Variants in DCC observed in about 807,000 individuals in gnomAD.
The protein encoded by DCC is netrin receptor DCC.
DCC carries 58 observed loss-of-function variants against 172.5 expected under a neutral mutation model. That is an observed-to-expected ratio of 0.34 (90% CI 0.27 to 0.42). DCC has a LOEUF of 0.42. Ranked by LOEUF, DCC falls within the 10% of genes least tolerant of loss-of-function variation. The pLI is 1.00. For synonymous variants in DCC, 709 were observed against 644.5 expected, an observed-to-expected ratio of 1.10 and a Z score of -1.52; for missense variants, 1,740 against 1,791.0, an observed-to-expected ratio of 0.97 and a Z score of 0.51.
intron 1 of DCC, among the ~76,000 whole-genome samples, chr18:52,499,045 C>T (rs547197003): frequency 3.3e-5 from 5 of 152,302 alleles, no homozygotes; most frequent in African/African-American, 1.2e-4. Context: ...TTTTCCTGTC[C>T]ATGATGTCCC....
chr18:53,521,001 C>T (rs1287190416), intron 27 of DCC, among the ~76,000 whole-genome samples: 1 of 152,042 alleles, frequency 6.6e-6, no homozygotes, highest in Non-Finnish European at 1.5e-5. Flanking sequence ...GAAATTAATT[C>T]TACCTTCCTC....
chr18:53,202,361 A>G, intron 9 of DCC, among the ~76,000 whole-genome samples: 1 of 152,210 alleles, frequency 6.6e-6, no homozygotes. Flanking sequence ...AATTAAGGAC[A>G]ATAATGAATT....
rs2046072426 is a variant in DCC at position 53,499,651 on chromosome 18, C to T, written c.4111+141C>T. On this transcript the variant is annotated intron_variant, in intron 27 of 28. Transcript: ENST00000442544. ...ATGCCCAGTGTGCTCATTTTTGTTA[C>T]TGATGCTTGTAGTGTAACCCTTAAT... 5 of 777,922 alleles carry T rather than the reference C, an allele frequency of 6.4e-6. No homozygotes were observed. The Admixed American group carries it at 7.9e-5, about 12-fold the overall frequency. 48.2% of individuals were successfully genotyped at this position (777,922 alleles called of 1,614,324 possible).
At chr18:52,716,142 AAG>A (rs1219619706) in intron 1 of DCC, among the ~76,000 whole-genome samples, 5 of 152,194 alleles carry the variant, frequency 3.3e-5, no homozygotes, top group African/African-American at 1.2e-4. Context: ...GGGCCCTTGC[AAG>A]GCCCTGGCCT....
chr18:52,519,061 T>C (rs1244048690), intron 1 of DCC, among the ~76,000 whole-genome samples: 1 of 152,218 alleles, frequency 6.6e-6, no homozygotes, highest in African/African-American at 2.4e-5. Flanking sequence ...GATTAAAATA[T>C]GTAGAAAGGT....
chr18:52,845,148 G>GT (rs1455793994), intron 2 of DCC, among the ~76,000 whole-genome samples: 3 of 152,238 alleles, frequency 2.0e-5, no homozygotes, highest in African/African-American at 7.2e-5. Context: ...AAAACATAAG[G>GT]TTTAAAAGCA....
At chr18:52,716,241 T>C (rs1438796101) in intron 1 of DCC, among the ~76,000 whole-genome samples, 1 of 152,224 alleles carries the variant, frequency 6.6e-6, no homozygotes, top group Non-Finnish European at 1.5e-5. Flanking sequence ...TCTTTGCGTG[T>C]GGAACAAGTA....
intron 1 of DCC, among the ~76,000 whole-genome samples, chr18:52,388,773 T>C (rs973610295): frequency 1.3e-5 from 2 of 152,126 alleles, no homozygotes; most frequent in African/African-American, 4.8e-5. Flanking sequence ...GGGATGAGTA[T>C]ATTTTGGAAA....
chr18:52,620,267 G>T (rs776426109), intron 1 of DCC, among the ~76,000 whole-genome samples: 24 of 152,200 alleles, frequency 1.6e-4, no homozygotes, highest in Non-Finnish European at 2.8e-4. Flanking sequence ...TATGAACAAA[G>T]CTTGTAGCTC....
chr18:52,724,327 T>C (rs2036519816), intron 1 of DCC, among the ~76,000 whole-genome samples: 1 of 152,066 alleles, frequency 6.6e-6, no homozygotes, highest in Non-Finnish European at 1.5e-5. Flanking sequence ...ATTATTTTTT[T>C]TAATAGAGAT....
At position 52,926,944 on chromosome 18, in the gene DCC, T is replaced by TGATATATACACTATATATG. The variant is rs1201281204; in HGVS notation, c.985+1583_985+1601dup. Among the ~76,000 whole-genome samples the TGATATATACACTATATATG allele has an allele frequency of 1.6e-4, 19 of 115,348 alleles. No individual in the cohort carries two copies. In the East Asian group the frequency reaches 4.3e-3, roughly 26 times the overall value. 75.7% of individuals were successfully genotyped at this position (115,348 alleles called of 152,430 possible). A position where few individuals can be genotyped will look rare whatever the true frequency, so the allele number is the denominator to read the frequency against. ...ATATATATGTATATATAAACGTATA[T>TGATATATACACTATATATG]GATATATACACTATATATGGATATA... On this transcript the variant is annotated intron_variant, in intron 5 of 28. Transcript: ENST00000442544.
chr18:52,999,636 A>G (rs1467802430), intron 5 of DCC, among the ~76,000 whole-genome samples: 1 of 152,128 alleles, frequency 6.6e-6, no homozygotes, highest in African/African-American at 2.4e-5. Context: ...GCTCTGCTAA[A>G]TAGGAAAATA....
intron 7 of DCC, among the ~76,000 whole-genome samples, chr18:53,130,781 A>T (rs2043639422): frequency 6.6e-6 from 1 of 152,110 alleles, no homozygotes; most frequent in Non-Finnish European, 1.5e-5. Flanking sequence ...GCTGAAAAAC[A>T]TTCTCTACCT....
intron 7 of DCC, among the ~76,000 whole-genome samples, chr18:53,130,870 CTG>C (rs2043641351): frequency 6.6e-6 from 1 of 151,876 alleles, no homozygotes; most frequent in Non-Finnish European, 1.5e-5. Flanking sequence ...TTCTCGATTT[CTG>C]TGTTTTGGGG....
At chr18:52,351,970 C>T (rs983589491) in intron 1 of DCC, among the ~76,000 whole-genome samples, 2 of 152,166 alleles carry the variant, frequency 1.3e-5, no homozygotes, top group Non-Finnish European at 2.9e-5. Context: ...CTACACAGCC[C>T]TGTGGTCTTT....
intron 1 of DCC, among the ~76,000 whole-genome samples, chr18:52,420,412 T>C (rs1175454265): frequency 6.6e-6 from 1 of 152,144 alleles, no homozygotes; most frequent in African/African-American, 2.4e-5. Context: ...GGGGAGCATT[T>C]CTTAAAGTAT....
intron 2 of DCC, among the ~76,000 whole-genome samples, chr18:52,893,576 G>A (rs926036217): frequency 2.0e-5 from 3 of 152,062 alleles, no homozygotes; most frequent in Admixed American, 6.6e-5. Flanking sequence ...ATCCTTGTTA[G>A]GGTTTTGTAA....
At chr18:52,493,389 A>T (rs187967369) in intron 1 of DCC, among the ~76,000 whole-genome samples, 21 of 152,202 alleles carry the variant, frequency 1.4e-4, no homozygotes, top group Admixed American at 3.9e-4. Context: ...AAGAAAAATT[A>T]AAAAACCCAA....
chr18:53,114,463 CA>C (rs2043381647), intron 7 of DCC, among the ~76,000 whole-genome samples: 1 of 151,454 alleles, frequency 6.6e-6, no homozygotes, highest in African/African-American at 2.4e-5. Flanking sequence ...AAAGCAAACT[CA>C]AAAAGTGTTT....
Sources: allele counts gnomAD v4.1 joint callset (sites outside exome capture counted in the v4.1 genomes callset), GRCh38; gene constraint gnomAD v4.1.1; transcripts MANE v1.5; gene names NCBI Gene and HGNC (gene_info 2026-07-23, HGNC 2026-07-21).